Variants in CEP70 observed in about 807,000 individuals in gnomAD.
The protein encoded by CEP70 is centrosomal protein 70.
Under a neutral mutation model 90.9 loss-of-function variants are expected in CEP70, and 70 were observed. That is an observed-to-expected ratio of 0.77 (90% CI 0.64 to 0.94). The LOEUF (loss-of-function observed/expected upper bound fraction) is 0.94, where lower values mean the gene tolerates loss of function less well. Ranked by LOEUF, CEP70 falls within the 40% of genes least tolerant of loss-of-function variation. The probability of loss-of-function intolerance (pLI) is 0.00; values close to 1 mark genes in which losing one functional copy is unlikely to be tolerated. For missense variants in CEP70, 648 were observed against 669.0 expected (o/e 0.97, Z 0.35); for synonymous variants, 220 against 228.3 (o/e 0.96, Z 0.33).
At chr3:138,547,828 G>A (rs2039328037) in intron 6 of CEP70, among the ~76,000 whole-genome samples, 1 of 152,180 alleles carries the variant, frequency 6.6e-6, no homozygotes, top group Admixed American at 6.5e-5. Context: ...GAACAAGATT[G>A]TGTGAGATTT....
Position 138,500,741 on chromosome 3 carries a change from C to T in CEP70, c.1362G>A (p.Lys454=), listed in dbSNP as rs769555510. The change falls in exon 14 of 18, where the codon AAG becomes AAA. Residue 454 remains lysine, a synonymous_variant. Coordinates refer to ENST00000264982, the MANE Select transcript of CEP70 (RefSeq NM_024491.4). ...CCGTTCATGTAGGTATTACCTTTTC[C>T]TTATTTTCAACTTCTTCCAGCATAG... is the stretch of plus-strand genomic sequence containing the variant. The part of the protein sequence containing the change: ...VDTMLEEVEN[K]EKDSNMPHFQ... The T allele has an allele frequency of 6.3e-7, 1 of 1,592,456 alleles. No homozygotes were observed. Among genetic ancestry groups the T allele is most frequent in the Admixed American group, 1.8e-5 (1 of 55,472 alleles).
In CEP70 at chr3:138,529,246, A is replaced by T. The variant is rs769473344; in HGVS notation, c.822T>A (p.Asp274Glu). 6.2e-7 allele frequency: 1 copy of T among 1,610,246 alleles called. No homozygotes were observed. Among genetic ancestry groups the T allele is most frequent in the Non-Finnish European group, 8.5e-7 (1 of 1,178,316 alleles). The change falls in exon 10 of 18, where the codon GAT becomes GAA. Residue 274 changes from aspartate (D) to glutamate (E), a missense_variant. Transcript: ENST00000264982. ...NQLKESKSKIDALSSEKLNLQ... is the reference protein window; with the variant it reads ...NQLKESKSKIEALSSEKLNLQ... ...GGTTCAGCTTTTCACTTGAAAGTGCATCAATCTTAGATTTTGATTCCTTGA... is the reference window on the plus strand; with the variant it reads ...GGTTCAGCTTTTCACTTGAAAGTGCTTCAATCTTAGATTTTGATTCCTTGA...
In CEP70 at chr3:138,553,544, A is replaced by AAAG. The variant is rs371297101; in HGVS notation, c.466-16200_466-16198dup. Among the ~76,000 whole-genome samples, 854 of 152,238 alleles carry AAAG rather than the reference A, an allele frequency of 5.6e-3. 7 individuals carry two copies. Among genetic ancestry groups the AAAG allele is most frequent in the African/African-American group, 0.02 (822 of 41,552 alleles). The stretch of plus-strand genomic sequence containing the variant: ...GACAGCTGAATTCTACCAGACATTC[A>AAAG]AAGAATTGGTGTCAATCCTATTGAC... On this transcript the variant is annotated intron_variant, in intron 6 of 17. Coordinates refer to ENST00000264982, the MANE Select transcript of CEP70 (RefSeq NM_024491.4).
chr3:138,554,463 G>C (rs1560399012), intron 6 of CEP70, among the ~76,000 whole-genome samples: 1 of 152,118 alleles, frequency 6.6e-6, no homozygotes, highest in Non-Finnish European at 1.5e-5. Context: ...GGAAGTTCTA[G>C]TCAGAGCAAT....
chr3:138,501,037 CCAT>C (rs1251091943), intron 13 of CEP70, among the ~76,000 whole-genome samples, 156 bp from the exon 14 acceptor site: 1 of 150,898 alleles, frequency 6.6e-6, no homozygotes, highest in African/African-American at 2.4e-5. Flanking sequence ...ATATATGTAA[CCAT>C]CATTTTTTTT....
At chr3:138,584,116 GGA>G (rs1025159129) in intron 2 of CEP70, among the ~76,000 whole-genome samples, 1 of 151,856 alleles carries the variant, frequency 6.6e-6, no homozygotes, top group African/African-American at 2.4e-5. Flanking sequence ...GAAATACAAA[GGA>G]TCATTAGAGC....
chr3:138,513,997 GAA>G (rs1223147922), intron 11 of CEP70, among the ~76,000 whole-genome samples: 2 of 150,740 alleles, frequency 1.3e-5, no homozygotes, highest in Admixed American at 1.3e-4. Flanking sequence ...GTTCCAAAAG[GAA>G]AAGAGACTAT....
intron 2 of CEP70, among the ~76,000 whole-genome samples, chr3:138,574,220 A>T (rs535236668): frequency 2.8e-4 from 42 of 152,294 alleles, no homozygotes; most frequent in African/African-American, 9.1e-4. Context: ...TACCAGGAAA[A>T]TCCAGACACT....
intron 6 of CEP70, among the ~76,000 whole-genome samples, chr3:138,546,450 T>A (rs891765628): frequency 6.6e-6 from 1 of 152,196 alleles, no homozygotes. Context: ...AAGCTCATTA[T>A]CAAAAAGCAC....
chr3:138,509,304 A>C (rs1374278299), intron 11 of CEP70, among the ~76,000 whole-genome samples: 1 of 152,198 alleles, frequency 6.6e-6, no homozygotes, highest in Non-Finnish European at 1.5e-5. Flanking sequence ...TGTAGCAGGA[A>C]CAGCTAGACG....
chr3:138,572,868 A>G lies in CEP70; in HGVS notation c.60T>C (p.Thr20=). 6.3e-7 allele frequency: 1 copy of G among 1,598,116 alleles called. No individual in the cohort carries two copies. The highest frequency in any genetic ancestry group is 8.6e-7 in the Non-Finnish European group (1 of 1,166,162). The change falls in exon 3 of 18, where the codon ACT becomes ACC. Residue 20 remains threonine, a synonymous_variant. Coordinates refer to ENST00000264982, the MANE Select transcript of CEP70 (RefSeq NM_024491.4). The part of the protein sequence containing the change: ...DSSQPSDRLM[T]EKQQEEAEWE... ...AATATTTTAAGTTTACCTGTTTTTCAGTCATGAGTCTGTCTGATGGTTGAC... is the reference window on the plus strand; with the variant it reads ...AATATTTTAAGTTTACCTGTTTTTCGGTCATGAGTCTGTCTGATGGTTGAC...
At chr3:138,561,161 G>A (rs1206088736) in intron 6 of CEP70, among the ~76,000 whole-genome samples, 1 of 152,076 alleles carries the variant, frequency 6.6e-6, no homozygotes, top group Non-Finnish European at 1.5e-5. Flanking sequence ...CATCTGGCAG[G>A]TGCTCCTCTG....
Position 138,498,101 on chromosome 3 carries a change from G to A in CEP70, c.1662C>T (p.Tyr554=). ...AAAATTCCTCGTGTTCTTCCAATTT[G>A]TAGATAATGCTGTTTAAAAAATGCA... ...LGPEDLQSII[Y]KLEEHEEFFP... Residue 554 remains tyrosine (Y), a synonymous_variant, in exon 17 of 18, where the codon TAC becomes TAT. Transcript: ENST00000264982. 1.2e-6 allele frequency: 2 copies of A among 1,612,670 alleles called. No homozygotes were observed. The highest frequency in any genetic ancestry group is 1.7e-6 in the Non-Finnish European group (2 of 1,179,278).
At position 138,529,268 on chromosome 3, in the gene CEP70, T is replaced by C. The variant is rs749030318; in HGVS notation, c.800A>G (p.Lys267Arg). 1 of 1,608,250 alleles carries C rather than the reference T, an allele frequency of 6.2e-7. No homozygotes were observed. Among genetic ancestry groups the C allele is most frequent in the East Asian group, 2.2e-5 (1 of 44,846 alleles). The change falls in exon 10 of 18, where the codon AAG (lysine) becomes AGG (arginine). Residue 267 changes from lysine to arginine, a missense_variant. By Grantham distance (26) the Lys-to-Arg change is conservative. Transcript: ENST00000264982. ...TGCATCAATCTTAGATTTTGATTCC[T>C]TGAGTTGATTCTGTAATGACTGCAA... is the stretch of plus-strand genomic sequence containing the variant. ...GLLMSLQNQL[K>R]ESKSKIDALS... is the part of the protein sequence containing the mutation.
At chr3:138,564,134 C>G (rs994046528) in intron 6 of CEP70, among the ~76,000 whole-genome samples, 6 of 152,164 alleles carry the variant, frequency 3.9e-5, no homozygotes, top group African/African-American at 1.4e-4. Context: ...TACACCCTCC[C>G]AAGTCTAAAC....
chr3:138,518,834 A>G (rs919895899), intron 11 of CEP70, among the ~76,000 whole-genome samples: 1 of 152,224 alleles, frequency 6.6e-6, no homozygotes, highest in Non-Finnish European at 1.5e-5. Context: ...TGGACGGAAA[A>G]TGACTTTGAC....
intron 6 of CEP70, among the ~76,000 whole-genome samples, chr3:138,563,119 T>C (rs2040527258): frequency 6.6e-6 from 1 of 151,796 alleles, no homozygotes; most frequent in Middle Eastern, 3.4e-3. Context: ...CATTGCATAA[T>C]GGTAAAGGGA....
intron 2 of CEP70, among the ~76,000 whole-genome samples, chr3:138,577,855 A>C (rs1042398154): frequency 6.6e-6 from 1 of 152,226 alleles, no homozygotes; most frequent in African/African-American, 2.4e-5. Context: ...AAGGGAAAAA[A>C]GACTTCTAAA....
chr3:138,499,839 TCACA>T, intron 16 of CEP70: 1 of 315,780 alleles, frequency 3.2e-6, no homozygotes, highest in Non-Finnish European at 6.0e-6. Flanking sequence ...GTGCTTACAG[TCACA>T]CACACACACA....
Sources: allele counts gnomAD v4.1 joint callset (sites outside exome capture counted in the v4.1 genomes callset), GRCh38; gene constraint gnomAD v4.1.1; transcripts MANE v1.5; gene names NCBI Gene and HGNC (gene_info 2026-07-23, HGNC 2026-07-21).